Variants in BRINP1 observed in about 807,000 individuals in gnomAD.
BRINP1 encodes the protein BMP/retinoic acid inducible neural specific 1, also known as BMP/retinoic acid-inducible neural-specific protein 1.
BRINP1 carries 17 observed loss-of-function variants against 72.9 expected under a neutral mutation model. The ratio of observed to expected loss-of-function variants is 0.23; its 90% CI spans 0.16 to 0.35. BRINP1 has a LOEUF of 0.35. Ranked by LOEUF, BRINP1 falls within the 10% of genes least tolerant of loss-of-function variation. The pLI is 1.00. For missense variants in BRINP1, 850 were observed against 1,001.6 expected, an observed-to-expected ratio of 0.85 and a Z score of 2.04; for synonymous variants, 418 against 378.5, an observed-to-expected ratio of 1.10 and a Z score of -1.21.
intron 1 of BRINP1, among the ~76,000 whole-genome samples, chr9:119,356,796 C>T (rs1444738631): frequency 1.4e-5 from 2 of 142,388 alleles, no homozygotes; most frequent in Non-Finnish European, 3.1e-5. Flanking sequence ...CAGAGTGAGG[C>T]TCCGTCTCAA....
intron 1 of BRINP1, among the ~76,000 whole-genome samples, chr9:119,319,940 C>T (rs946269895): frequency 6.6e-6 from 1 of 152,038 alleles, no homozygotes; most frequent in African/African-American, 2.4e-5. Context: ...CAAGTGTGAA[C>T]AATTCTAATA....
At chr9:119,299,602 G>A (rs1038205576) in intron 2 of BRINP1, among the ~76,000 whole-genome samples, 7 of 144,862 alleles carry the variant, frequency 4.8e-5, no homozygotes, top group Non-Finnish European at 7.5e-5. Flanking sequence ...GACACGGCGA[G>A]ACTCCGTCTC....
chr9:119,264,327 C>T (rs1283929102), intron 2 of BRINP1, among the ~76,000 whole-genome samples: 4 of 152,198 alleles, frequency 2.6e-5, no homozygotes, highest in African/African-American at 9.7e-5. Flanking sequence ...GAACAAATGC[C>T]ACCCACCTGG....
chr9:119,190,234 T>C (rs1212681770), intron 7 of BRINP1, among the ~76,000 whole-genome samples: 1 of 151,308 alleles, frequency 6.6e-6, no homozygotes, highest in African/African-American at 2.4e-5. Context: ...CCAAATAAAT[T>C]AAGGAGTTAG....
intron 2 of BRINP1, among the ~76,000 whole-genome samples, chr9:119,286,817 T>C (rs1247886375): frequency 5.3e-5 from 8 of 152,218 alleles, no homozygotes; most frequent in Non-Finnish European, 8.8e-5. Context: ...CCCTTGTGCC[T>C]GTCATTAATT....
chr9:119,356,610 C>A (rs1371704275), intron 1 of BRINP1, among the ~76,000 whole-genome samples: 1 of 151,952 alleles, frequency 6.6e-6, no homozygotes, highest in Non-Finnish European at 1.5e-5. Context: ...CAAGACCCAG[C>A]CTGGGCAGCA....
At chr9:119,362,745 T>A (rs1191698306) in intron 1 of BRINP1, among the ~76,000 whole-genome samples, 1 of 152,152 alleles carries the variant, frequency 6.6e-6, no homozygotes, top group African/African-American at 2.4e-5. Flanking sequence ...CACTGTTGTA[T>A]CTCCAGGGTA....
intron 7 of BRINP1, among the ~76,000 whole-genome samples, chr9:119,203,339 C>T (rs1056513987): frequency 3.3e-5 from 5 of 152,082 alleles, no homozygotes; most frequent in Admixed American, 1.3e-4. Flanking sequence ...ATAAATGATC[C>T]AAGAGCATCT....
intron 7 of BRINP1, among the ~76,000 whole-genome samples, chr9:119,193,476 A>T (rs914075341): frequency 6.6e-6 from 1 of 152,184 alleles, no homozygotes; most frequent in African/African-American, 2.4e-5. Flanking sequence ...GATACAAAAT[A>T]ACAAATAAGT....
intron 6 of BRINP1, among the ~76,000 whole-genome samples, chr9:119,213,234 A>G (rs1189349547): frequency 6.6e-6 from 1 of 152,168 alleles, no homozygotes; most frequent in East Asian, 1.9e-4. Context: ...CGTATCCTTG[A>G]CATTTCCTAA....
chr9:119,369,273 G>A lies in BRINP1; in HGVS notation c.-268C>T. On this transcript the variant is annotated 5_prime_UTR_variant, in exon 1 of 8. Coordinates refer to ENST00000265922, the MANE Select transcript of BRINP1 (RefSeq NM_014618.3). ...CAGGCATGAATCCCGGCTCCGGAAG[G>A]CGGTCACTACTCCCTCTGCCTCCCG... The A allele has an allele frequency of 2.5e-6, 1 of 398,820 alleles. No individual in the cohort carries two copies. Among genetic ancestry groups the A allele is most frequent in the Non-Finnish European group, 4.4e-6 (1 of 226,204 alleles). 24.7% of individuals were successfully genotyped at this position (398,820 alleles called of 1,614,324 possible).
At chr9:119,328,502 A>G (rs1478046454) in intron 1 of BRINP1, among the ~76,000 whole-genome samples, 1 of 152,172 alleles carries the variant, frequency 6.6e-6, no homozygotes, top group Non-Finnish European at 1.5e-5. Flanking sequence ...TCTAGGATAG[A>G]CCTAGAATTA....
chr9:119,195,110 A>G (rs1829722876), intron 7 of BRINP1, among the ~76,000 whole-genome samples: 1 of 152,164 alleles, frequency 6.6e-6, no homozygotes. Context: ...TTCTAAAGTA[A>G]ATCATGGATG....
At chr9:119,279,274 T>G (rs1830685604) in intron 2 of BRINP1, among the ~76,000 whole-genome samples, 1 of 152,260 alleles carries the variant, frequency 6.6e-6, no homozygotes. Flanking sequence ...TGTCCCTATC[T>G]AAACTCTTAG....
chr9:119,229,746 TGGTCATTA>T (rs1465446351), intron 5 of BRINP1, among the ~76,000 whole-genome samples: 1 of 152,008 alleles, frequency 6.6e-6, no homozygotes, highest in Non-Finnish European at 1.5e-5. Context: ...CCTCAGGAAA[TGGTCATTA>T]GGTTGAACTG....
chr9:119,366,427 T>C (rs1386345738), intron 1 of BRINP1, among the ~76,000 whole-genome samples: 2 of 151,910 alleles, frequency 1.3e-5, no homozygotes, highest in Non-Finnish European at 2.9e-5. Flanking sequence ...TCCTTGCTTG[T>C]CGGTAATTCC....
chr9:119,194,598 T>G (rs1829715503), intron 7 of BRINP1, among the ~76,000 whole-genome samples: 1 of 152,226 alleles, frequency 6.6e-6, no homozygotes, highest in South Asian at 2.1e-4. Context: ...TGAGAAGGAC[T>G]CCATGCATCT....
intron 4 of BRINP1, among the ~76,000 whole-genome samples, chr9:119,239,462 A>G (rs1157548170): frequency 6.6e-6 from 1 of 152,244 alleles, no homozygotes. Flanking sequence ...ACAGCTATTC[A>G]AAAAGATAAC....
At chr9:119,193,491 T>A (rs1351567725) in intron 7 of BRINP1, among the ~76,000 whole-genome samples, 1 of 152,130 alleles carries the variant, frequency 6.6e-6, no homozygotes, top group Non-Finnish European at 1.5e-5. Context: ...ATAAGTAGGA[T>A]GAACACATTT....
Sources: gnomAD v4.1 joint callset for allele counts (sites outside exome capture counted in the v4.1 genomes callset) on GRCh38, gnomAD v4.1.1 for gene constraint, MANE v1.5 for transcripts, NCBI Gene and HGNC (gene_info 2026-07-23, HGNC 2026-07-21) for gene names.